The following CSMD2 variants were observed in gnomAD, a reference collection of about 807,000 sequenced individuals.
CSMD2 encodes CUB and sushi domain-containing protein 2.
A neutral mutation model predicts 398.5 loss-of-function variants in CSMD2; 130 were observed. The ratio of observed to expected loss-of-function variants is 0.33; its 90% confidence interval spans 0.28 to 0.38. The LOEUF (loss-of-function observed/expected upper bound fraction) is 0.38, where lower values mean the gene tolerates loss of function less well. Among genes scored for constraint, CSMD2 ranks in the 10% least tolerant of loss-of-function variants. The pLI, the probability that CSMD2 is intolerant of heterozygous loss-of-function variation, is 1.00. For synonymous variants in CSMD2, 1,828 were observed against 1,908.5 expected, an observed-to-expected ratio of 0.96 and a Z score of 1.10; for missense variants, 3,829 against 4,764.9, an observed-to-expected ratio of 0.80 and a Z score of 5.78.
chr1:33,675,709 A>G (rs1037197482), intron 25 of CSMD2, among the ~76,000 whole-genome samples: 20 of 152,254 alleles, frequency 1.3e-4, no homozygotes, highest in Non-Finnish European at 2.1e-4. Context: ...AAAATCCACA[A>G]TAAAATACTG....
At position 33,889,015 on chromosome 1, in the gene CSMD2, C is replaced by G. The variant is rs559981921; in HGVS notation, c.920+29079G>C. 2.0e-5 allele frequency among the ~76,000 whole-genome samples: 3 copies of G among 152,242 alleles called. No individual in the cohort carries two copies. In the East Asian group the frequency reaches 5.8e-4, roughly 29 times the overall value. On this transcript the variant is annotated intron_variant, in intron 5 of 70. Transcript: ENST00000373381. ...TCCATCTCCTGACCTTGTGATCCGC[C>G]CACCTTAGCCTCCCAAAGTGCTGGG...
intron 5 of CSMD2, among the ~76,000 whole-genome samples, chr1:33,855,831 CTCT>C (rs1049599194): frequency 2.6e-5 from 4 of 152,206 alleles, no homozygotes; most frequent in African/African-American, 7.2e-5. Flanking sequence ...CTACTCAACC[CTCT>C]TCTTCTTCCT....
In CSMD2 at chr1:34,163,586, A is replaced by C. The variant is rs974018756; in HGVS notation, c.187+1325T>G. ...GCCAGAGGAGAGGCGCACTTTCCCA[A>C]GAAGGGGAACTGGGGTGGTCCAGGC... On this transcript the variant is annotated intron_variant, in intron 1 of 70. Coordinates refer to ENST00000373381, the MANE Select transcript of CSMD2 (RefSeq NM_001281956.2). The surrounding 1 kb of genome is among the most constrained non-coding windows in gnomAD (Gnocchi z 5.4). Among the ~76,000 whole-genome samples the C allele has an allele frequency of 6.6e-6, 1 of 152,198 alleles. No homozygotes were observed. Among genetic ancestry groups the C allele is most frequent in the Non-Finnish European group, 1.5e-5 (1 of 68,032 alleles).
At chr1:33,579,208 T>A (rs576177802) in intron 48 of CSMD2, among the ~76,000 whole-genome samples, 1 of 152,348 alleles carries the variant, frequency 6.6e-6, no homozygotes, top group Admixed American at 6.5e-5. Flanking sequence ...AGTGAAATGC[T>A]ACCAAACTGC....
At chr1:34,016,245 G>A (rs867790750) in intron 3 of CSMD2, among the ~76,000 whole-genome samples, 2 of 151,956 alleles carry the variant, frequency 1.3e-5, no homozygotes, top group Non-Finnish European at 2.9e-5. Flanking sequence ...CTATCAACCC[G>A]TCATCTAGGT....
chr1:34,059,718 G>GAATGAA (rs1654248868), intron 2 of CSMD2, among the ~76,000 whole-genome samples: 47 of 151,458 alleles, frequency 3.1e-4, no homozygotes, highest in South Asian at 1.3e-3. Flanking sequence ...GAATGAATAC[G>GAATGAA]TGAATGAATG....
chr1:33,576,840 G>A (rs549668348), intron 49 of CSMD2, among the ~76,000 whole-genome samples: 1 of 149,182 alleles, frequency 6.7e-6, no homozygotes, highest in East Asian at 2.0e-4. Flanking sequence ...TAGTTTGAAT[G>A]TATATTACTT....
chr1:34,101,443 C>A (rs1659932192), intron 1 of CSMD2, among the ~76,000 whole-genome samples: 1 of 152,170 alleles, frequency 6.6e-6, no homozygotes, highest in Admixed American at 6.5e-5. Flanking sequence ...GAGGCTTTGG[C>A]TCTGGGTTAA....
intron 15 of CSMD2, among the ~76,000 whole-genome samples, chr1:33,732,477 CA>C: frequency 6.6e-6 from 1 of 152,178 alleles, no homozygotes; most frequent in East Asian, 1.9e-4. Context: ...AGGAAGACAC[CA>C]GGGGTGCATG....
intron 3 of CSMD2, among the ~76,000 whole-genome samples, chr1:33,964,955 T>C (rs1257678130): frequency 2.6e-5 from 4 of 152,224 alleles, no homozygotes; most frequent in Non-Finnish European, 5.9e-5. Context: ...AGAACTTGCA[T>C]TTAGCACTGT....
At chr1:33,866,666 G>A (rs1022711709) in intron 5 of CSMD2, among the ~76,000 whole-genome samples, 4 of 152,108 alleles carry the variant, frequency 2.6e-5, no homozygotes, top group Non-Finnish European at 4.4e-5. Context: ...CACCCCTCAC[G>A]GAGAGCTATC....
intron 10 of CSMD2, among the ~76,000 whole-genome samples, chr1:33,794,440 T>C (rs571819744): frequency 4.6e-4 from 70 of 152,082 alleles, no homozygotes; most frequent in South Asian, 2.1e-4. Context: ...GTTCAACCAA[T>C]GGATATGGAA....
rs1656014906 is a variant in CSMD2 at position 33,804,695 on chromosome 1, G to A, written c.1446+6048C>T. ...AGAGACTATGCTTTTTGCTGAAGGA[G>A]ATGTCTGAAGGTGAGTGGATAGGCA... On this transcript the variant is annotated intron_variant, in intron 10 of 70. Coordinates refer to ENST00000373381, the MANE Select transcript of CSMD2 (RefSeq NM_001281956.2). The A allele has an allele frequency of 1.7e-5, 12 of 716,526 alleles. No homozygotes were observed. In the South Asian group the frequency reaches 1.8e-4, roughly 11 times the overall value. 44.4% of individuals were successfully genotyped at this position (716,526 alleles called of 1,614,324 possible).
intron 13 of CSMD2, among the ~76,000 whole-genome samples, chr1:33,756,168 C>G (rs936216120): frequency 6.6e-6 from 1 of 152,186 alleles, no homozygotes; most frequent in Non-Finnish European, 1.5e-5. Context: ...TCAGGGTCAT[C>G]TTCTCACTTG....
rs1654849833 is a variant in CSMD2 at position 33,527,180 on chromosome 1, T to A, written c.10234+16A>T. 1 of 1,610,848 alleles carries A rather than the reference T, an allele frequency of 6.2e-7. No homozygotes were observed. Among genetic ancestry groups the A allele is most frequent in the African/African-American group, 1.3e-5 (1 of 74,858 alleles). On this transcript the variant is annotated intron_variant, in intron 65 of 70. Coordinates refer to ENST00000373381, the MANE Select transcript of CSMD2 (RefSeq NM_001281956.2). ...TAACACCAGTTTCTTGAGCCAATGA[T>A]CTGGACCATACGTACTCAAGGCTTG...
At chr1:33,801,968 C>T (rs554625663) in intron 10 of CSMD2, among the ~76,000 whole-genome samples, 3 of 152,104 alleles carry the variant, frequency 2.0e-5, no homozygotes, top group Non-Finnish European at 2.9e-5. Context: ...CCACCAGGGT[C>T]GTCTTTAAAA....
chr1:34,018,283 C>T (rs1648413316), intron 3 of CSMD2, among the ~76,000 whole-genome samples: 1 of 152,178 alleles, frequency 6.6e-6, no homozygotes, highest in African/African-American at 2.4e-5. Context: ...ATTTGCCTGG[C>T]CATGCCCCTA....
At chr1:33,731,120 G>T (rs1180103105) in intron 15 of CSMD2, among the ~76,000 whole-genome samples, 1 of 152,168 alleles carries the variant, frequency 6.6e-6, no homozygotes, top group Non-Finnish European at 1.5e-5. Context: ...AATACATAAA[G>T]TATGTTTGGA....
chr1:34,098,806 T>G (rs1571115183), intron 1 of CSMD2, among the ~76,000 whole-genome samples: 1 of 152,114 alleles, frequency 6.6e-6, no homozygotes, highest in Admixed American at 6.5e-5. Context: ...AAAAATAAAG[T>G]CATAAAATAA....
Sources: gnomAD v4.1 joint callset for allele counts (sites outside exome capture counted in the v4.1 genomes callset) on GRCh38, gnomAD v4.1.1 for gene constraint, Gnocchi (gnomAD v3.1) non-coding constraint, MANE v1.5 for transcripts, NCBI Gene and HGNC (gene_info 2026-07-23, HGNC 2026-07-21) for gene names.